The following SNX13 variants were observed in gnomAD, a reference collection of about 807,000 sequenced individuals.
SNX13 encodes the protein sorting nexin-13.
Under a neutral mutation model 133.6 loss-of-function variants are expected in SNX13, and 45 were observed. That is an observed-to-expected ratio of 0.34 (90% CI 0.27 to 0.43). SNX13 has a LOEUF of 0.43. SNX13 is among the 20% of genes least tolerant of loss of function. The pLI is 1.00. For missense variants in SNX13, 1,032 were observed against 1,145.1 expected (o/e 0.90, Z 1.43); for synonymous variants, 414 against 373.9 (o/e 1.11, Z -1.24).
rs1200234688 is a variant in SNX13 at position 17,792,612 on chromosome 7, C to T, written c.*1433G>A. ...TGTCCCTTTATCTTAAGCACCCAGA[C>T]TTTCTTTTAATACCAGGATCTTGGC... On this transcript the variant is annotated 3_prime_UTR_variant, in exon 26 of 26. Transcript: ENST00000428135. The T allele has an allele frequency of 6.6e-6, 1 of 152,328 alleles. No homozygotes were observed. Among genetic ancestry groups the T allele is most frequent in the Non-Finnish European group, 1.5e-5 (1 of 67,886 alleles). The allele number at this position is 152,328 out of a possible 1,614,324, so 9.4% of individuals were successfully genotyped here.
intron 1 of SNX13, among the ~76,000 whole-genome samples, chr7:17,929,959 T>C (rs1031705947): frequency 6.6e-6 from 1 of 152,188 alleles, no homozygotes; most frequent in Non-Finnish European, 1.5e-5. Flanking sequence ...AGGATTACTC[T>C]TGACATTTTA....
chr7:17,940,391 C>T lies in SNX13; in HGVS notation c.-96G>A. On this transcript the variant is annotated 5_prime_UTR_variant, in exon 1 of 26. Transcript: ENST00000428135. Reference sequence around the variant, plus strand: ...CTGCTCGGGCCGCCGCCAACGGCGGCAACTGCTCCTTCAGTCTTCTCCCGG... The same window carrying T: ...CTGCTCGGGCCGCCGCCAACGGCGGTAACTGCTCCTTCAGTCTTCTCCCGG... The T allele has an allele frequency of 7.1e-7, 1 of 1,402,288 alleles. No individual in the cohort carries two copies. The highest frequency in any genetic ancestry group is 9.9e-7 in the Non-Finnish European group (1 of 1,014,400). The allele number at this position is 1,402,288 out of a possible 1,614,324, so 86.9% of individuals were successfully genotyped here.
chr7:17,932,457 T>C (rs935036520), intron 1 of SNX13, among the ~76,000 whole-genome samples: 1 of 152,244 alleles, frequency 6.6e-6, no homozygotes, highest in African/African-American at 2.4e-5. Flanking sequence ...GGTTTAAATT[T>C]ATCACTGACA....
intron 1 of SNX13, among the ~76,000 whole-genome samples, chr7:17,927,566 T>G (rs1307881646): frequency 1.3e-5 from 2 of 152,186 alleles, no homozygotes; most frequent in Admixed American, 6.5e-5. Context: ...TTCTTGACTG[T>G]CCAGGTTTCT....
At chr7:17,894,254 G>C (rs1796961908) in intron 2 of SNX13, among the ~76,000 whole-genome samples, 1 of 151,578 alleles carries the variant, frequency 6.6e-6, no homozygotes, top group Non-Finnish European at 1.5e-5. Context: ...AGTGAGCCGA[G>C]ATCGCGCCAC....
chr7:17,819,062 T>C (rs898078802), intron 18 of SNX13, among the ~76,000 whole-genome samples: 3 of 152,132 alleles, frequency 2.0e-5, no homozygotes, highest in Non-Finnish European at 4.4e-5. Flanking sequence ...ACCAGACACA[T>C]AGGAAAAGCT....
chr7:17,880,194 T>C (rs1290517458), intron 5 of SNX13: 1 of 152,210 alleles, frequency 6.6e-6, no homozygotes, highest in Non-Finnish European at 1.5e-5. Flanking sequence ...TCCAGTTTCT[T>C]TAAAATGGCA....
intron 1 of SNX13, among the ~76,000 whole-genome samples, chr7:17,906,283 C>A (rs898984069): frequency 6.6e-6 from 1 of 152,040 alleles, no homozygotes; most frequent in Non-Finnish European, 1.5e-5. Context: ...TTTAATAAAA[C>A]ATAGACAAAA....
intron 1 of SNX13, among the ~76,000 whole-genome samples, chr7:17,930,357 T>A (rs1209268146): frequency 2.0e-5 from 3 of 152,226 alleles, no homozygotes; most frequent in Non-Finnish European, 4.4e-5. Context: ...GCCATCACTC[T>A]TAACCAAAAG....
At chr7:17,825,822 A>C (rs1397726524) in intron 17 of SNX13, among the ~76,000 whole-genome samples, 200 bp downstream of exon 17, 1 of 152,318 alleles carries the variant, frequency 6.6e-6, no homozygotes, top group East Asian at 1.9e-4. Context: ...TCAAATGTTG[A>C]TAGTGACAAT....
intron 18 of SNX13, among the ~76,000 whole-genome samples, chr7:17,818,908 T>C (rs1204795121): frequency 6.6e-6 from 1 of 152,200 alleles, no homozygotes; most frequent in African/African-American, 2.4e-5. Context: ...CTTAATATGA[T>C]CATTTAAATC....
At chr7:17,891,699 C>T in intron 3 of SNX13, 64 bp from the exon 4 acceptor site, 1 of 1,102,404 alleles carries the variant, frequency 9.1e-7, no homozygotes, top group Non-Finnish European at 1.4e-6. Context: ...CAGTTTAATT[C>T]CAGTTGAATA....
In SNX13 at chr7:17,893,449, T is replaced by G. The variant is rs1226739974; in HGVS notation, c.126-15A>C. The G allele has an allele frequency of 1.4e-6, 2 of 1,466,684 alleles. No homozygotes were observed. Among genetic ancestry groups the G allele is most frequent in the Admixed American group, 2.2e-5 (1 of 45,350 alleles). The allele number at this position is 1,466,684 out of a possible 1,614,324, so 90.9% of individuals were successfully genotyped here. A position where few individuals can be genotyped will look rare whatever the true frequency, so the allele number is the denominator to read the frequency against. ...CCACTAAACCCCTAGAAAGAAAAAT[T>G]TAATCACAAATATAAAAACAAAATT... On this transcript the variant is annotated splice_polypyrimidine_tract_variant and intron_variant, in intron 2 of 25. Coordinates refer to ENST00000428135, the MANE Select transcript of SNX13 (RefSeq NM_015132.5).
intron 1 of SNX13, among the ~76,000 whole-genome samples, chr7:17,935,106 CAAAG>C (rs1344427817): frequency 6.6e-6 from 1 of 152,058 alleles, no homozygotes; most frequent in Non-Finnish European, 1.5e-5. Context: ...AAATCCAAGA[CAAAG>C]AATCAACCTA....
chr7:17,930,789 G>T (rs913480212), intron 1 of SNX13, among the ~76,000 whole-genome samples: 2 of 152,140 alleles, frequency 1.3e-5, no homozygotes, highest in East Asian at 1.9e-4. Flanking sequence ...GGTTAGTGGC[G>T]GGGAGTGGGC....
At chr7:17,883,018 C>A in intron 5 of SNX13, 5 of 266,798 alleles carry the variant, frequency 1.9e-5, no homozygotes, top group Non-Finnish European at 3.0e-5. Flanking sequence ...TTCTACTCTA[C>A]CATAACAAGA....
intron 25 of SNX13, 71 bp downstream of exon 25, chr7:17,796,756 G>A (rs1784098168): frequency 9.2e-7 from 1 of 1,085,812 alleles, no homozygotes; most frequent in Admixed American, 1.7e-5. Context: ...CAGTTACACT[G>A]GCATGATGAA....
chr7:17,798,838 C>T (rs1784330138), intron 23 of SNX13, 80 bp from the exon 24 acceptor site: 1 of 1,236,614 alleles, frequency 8.1e-7, no homozygotes, highest in African/African-American at 1.6e-5. Flanking sequence ...ATAGAGCAAG[C>T]AACTTAATCT....
chr7:17,821,725 A>G (rs1554312627), intron 17 of SNX13, 77 bp from the exon 18 acceptor site: 1 of 1,489,764 alleles, frequency 6.7e-7, no homozygotes, highest in Non-Finnish European at 9.1e-7. Context: ...AGACACAAAA[A>G]AGGAGGAAGA....
Sources: gnomAD v4.1 joint callset for allele counts (sites outside exome capture counted in the v4.1 genomes callset) on GRCh38, gnomAD v4.1.1 for gene constraint, MANE v1.5 for transcripts, NCBI Gene and HGNC (gene_info 2026-07-23, HGNC 2026-07-21) for gene names.